The following EFR3B variants were observed in gnomAD, a reference collection of about 807,000 sequenced individuals.
EFR3B encodes the protein protein EFR3 homolog B.
In EFR3B, 64 loss-of-function variants were observed where a neutral mutation model predicts 104.7. That is an observed-to-expected ratio of 0.61 (90% CI 0.50 to 0.75). The LOEUF (loss-of-function observed/expected upper bound fraction) is 0.75, where lower values mean the gene tolerates loss of function less well. Among genes scored for constraint, EFR3B ranks in the 30% least tolerant of loss-of-function variants. The probability of loss-of-function intolerance (pLI) is 0.00; values close to 1 mark genes in which losing one functional copy is unlikely to be tolerated. For missense variants in EFR3B, 750 were observed against 1,078.5 expected, an observed-to-expected ratio of 0.70 and a Z score of 4.27; for synonymous variants, 385 against 417.9, an observed-to-expected ratio of 0.92 and a Z score of 0.96.
chr2:25,090,027 A>G (rs1215809223), intron 1 of EFR3B, among the ~76,000 whole-genome samples: 2 of 150,994 alleles, frequency 1.3e-5, no homozygotes, highest in East Asian at 1.9e-4. Flanking sequence ...CAAAACTCCC[A>G]AAGAACTCTT....
chr2:25,151,830 C>A, intron 20 of EFR3B, 84 bp from the exon 21 acceptor site: 1 of 1,440,320 alleles, frequency 6.9e-7, no homozygotes, highest in Non-Finnish European at 9.5e-7. Flanking sequence ...CCAAGCAATG[C>A]TCATGGACAG....
chr2:25,101,984 A>G (rs1669443140), intron 3 of EFR3B, among the ~76,000 whole-genome samples: 1 of 152,246 alleles, frequency 6.6e-6, no homozygotes, highest in East Asian at 1.9e-4. Flanking sequence ...ATGTTTTATG[A>G]TGTAGACATT....
At chr2:25,081,626 A>G (rs1355339373) in intron 1 of EFR3B, 5 of 711,382 alleles carry the variant, frequency 7.0e-6, no homozygotes, top group Non-Finnish European at 1.3e-5. Flanking sequence ...AGGGCTGTCC[A>G]GAGAAGGTGG....
At chr2:25,113,540 C>T (rs1298624056) in intron 4 of EFR3B, among the ~76,000 whole-genome samples, 9 of 151,786 alleles carry the variant, frequency 5.9e-5, no homozygotes, top group African/African-American at 9.7e-5. Context: ...TGGTGGCGGG[C>T]GCCTGTAGTG....
At chr2:25,124,617 G>A (rs567602685) in intron 5 of EFR3B, among the ~76,000 whole-genome samples, 1 of 151,672 alleles carries the variant, frequency 6.6e-6, no homozygotes, top group Non-Finnish European at 1.5e-5. Context: ...GCGGGCACCT[G>A]TAATCCCAGC....
At chr2:25,069,640 A>G (rs981847653) in intron 1 of EFR3B, among the ~76,000 whole-genome samples, 1 of 152,172 alleles carries the variant, frequency 6.6e-6, no homozygotes, top group African/African-American at 2.4e-5. Flanking sequence ...TGTTTATACC[A>G]CTTTTAATTA....
intron 1 of EFR3B, among the ~76,000 whole-genome samples, chr2:25,071,169 C>T (rs776953365): frequency 1.2e-4 from 18 of 151,886 alleles, no homozygotes; most frequent in Non-Finnish European, 1.9e-4. Context: ...ACTGTGTTAG[C>T]CAGGATGGTC....
intron 4 of EFR3B, among the ~76,000 whole-genome samples, chr2:25,110,697 C>CA (rs1390813313): frequency 3.9e-5 from 6 of 152,002 alleles, no homozygotes; most frequent in Admixed American, 2.0e-4. Flanking sequence ...AAGAGAAAAA[C>CA]AAAAAAATTA....
intron 16 of EFR3B, among the ~76,000 whole-genome samples, chr2:25,141,105 A>G (rs1291728784): frequency 6.6e-6 from 1 of 151,322 alleles, no homozygotes; most frequent in Non-Finnish European, 1.5e-5. Context: ...GTCTCTTAAG[A>G]GTTAAGTTCC....
chr2:25,141,337 G>A, intron 16 of EFR3B, 29 bp from the exon 17 acceptor site: 2 of 1,550,044 alleles, frequency 1.3e-6, no homozygotes, highest in Non-Finnish European at 8.7e-7. Context: ...TGCTGAACCA[G>A]CTCTTATCTG....
At chr2:25,132,261 A>T (rs914225533) in intron 10 of EFR3B, among the ~76,000 whole-genome samples, 1 of 152,194 alleles carries the variant, frequency 6.6e-6, no homozygotes, top group Non-Finnish European at 1.5e-5. Flanking sequence ...AGTGTCTCAG[A>T]TCTGAAGTCT....
At chr2:25,143,689 T>C in intron 17 of EFR3B, 46 bp from the exon 18 acceptor site, 2 of 1,548,568 alleles carry the variant, frequency 1.3e-6, no homozygotes, top group Non-Finnish European at 8.7e-7. Flanking sequence ...GAAGTCATTC[T>C]AGATACCGCG....
At chr2:25,056,775 T>G (rs991606422) in intron 1 of EFR3B, among the ~76,000 whole-genome samples, 2 of 152,036 alleles carry the variant, frequency 1.3e-5, no homozygotes, top group African/African-American at 4.8e-5. Flanking sequence ...AACGTTCTCC[T>G]CTCCCCCAGA....
In EFR3B at chr2:25,105,326, T is replaced by G. The variant is rs997646768; in HGVS notation, c.363+1539T>G. 7.9e-5 allele frequency among the ~76,000 whole-genome samples: 12 copies of G among 152,208 alleles called. No homozygotes were observed. In the South Asian group the frequency reaches 2.5e-3, roughly 32 times the overall value. ...CACCACCACACCTGGCTAATATTTG[T>G]TTTTAGAAGAGACGGGGTTTCACCA... is the stretch of plus-strand genomic sequence containing the variant. On this transcript the variant is annotated intron_variant, in intron 4 of 22. Coordinates refer to ENST00000403714, the MANE Select transcript of EFR3B (RefSeq NM_014971.2).
rs1017752473 is a variant in EFR3B at position 25,135,455 on chromosome 2, C to T, written c.1312-12C>T. 9.7e-6 allele frequency: 15 copies of T among 1,551,588 alleles called. No individual in the cohort carries two copies. The highest frequency in any genetic ancestry group is 1.3e-5 in the Non-Finnish European group (15 of 1,146,914). On this transcript the variant is annotated splice_polypyrimidine_tract_variant and intron_variant, in intron 12 of 22. Transcript: ENST00000403714. Reference sequence around the variant, plus strand: ...GCATTCCTAGGCATAGCTGTCCATACCTCCCTTGCAGGTATCCACAGGTTT... The same window carrying T: ...GCATTCCTAGGCATAGCTGTCCATATCTCCCTTGCAGGTATCCACAGGTTT...
At chr2:25,082,796 A>G (rs909231486) in intron 1 of EFR3B, among the ~76,000 whole-genome samples, 3 of 152,204 alleles carry the variant, frequency 2.0e-5, no homozygotes, top group African/African-American at 7.2e-5. Flanking sequence ...TGGAGTGTAG[A>G]CACAGATGAA....
chr2:25,074,670 T>C (rs1668588058), intron 1 of EFR3B, among the ~76,000 whole-genome samples: 1 of 149,516 alleles, frequency 6.7e-6, no homozygotes, highest in South Asian at 2.1e-4. Flanking sequence ...CAGGCTGGAG[T>C]ACCGTGGCGT....
At chr2:25,080,606 T>G (rs1668775722) in intron 1 of EFR3B, 6 of 543,062 alleles carry the variant, frequency 1.1e-5, no homozygotes, top group Non-Finnish European at 1.3e-5. Flanking sequence ...TGAAGTTTTA[T>G]TATATCTATT....
chr2:25,098,651 C>T (rs1411326646), intron 3 of EFR3B, among the ~76,000 whole-genome samples: 3 of 152,108 alleles, frequency 2.0e-5, no homozygotes, highest in African/African-American at 7.2e-5. Context: ...CTTTGAAAAG[C>T]TCAAGTTCAT....
Sources: allele counts gnomAD v4.1 joint callset (sites outside exome capture counted in the v4.1 genomes callset), GRCh38; gene constraint gnomAD v4.1.1; transcripts MANE v1.5; gene names NCBI Gene and HGNC (gene_info 2026-07-23, HGNC 2026-07-21).